PCDHGB1: variants seen among roughly 807,000 people sequenced by gnomAD.
The protein encoded by PCDHGB1 is protocadherin gamma-B1.
In PCDHGB1, 34 loss-of-function variants were observed where a neutral mutation model predicts 56.6. The ratio of observed to expected loss-of-function variants is 0.60; its 90% CI spans 0.46 to 0.80. The LOEUF (loss-of-function observed/expected upper bound fraction) is 0.80, where lower values mean the gene tolerates loss of function less well. PCDHGB1 is among the 30% of genes least tolerant of loss of function. The pLI is 0.00. For missense variants in PCDHGB1, 1,278 were observed against 1,204.6 expected, an observed-to-expected ratio of 1.06 and a Z score of -0.90; for synonymous variants, 561 against 505.9, an observed-to-expected ratio of 1.11 and a Z score of -1.46.
At chr5:141,362,759 A>G in intron 1 of PCDHGB1, 3 of 647,296 alleles carry the variant, frequency 4.6e-6, no homozygotes, top group Non-Finnish European at 7.8e-6. Flanking sequence ...AACCTTTATC[A>G]CATGAGATAT....
At chr5:141,375,504 T>G in intron 1 of PCDHGB1, 2 of 1,614,004 alleles carry the variant, frequency 1.2e-6, no homozygotes, top group Non-Finnish European at 1.7e-6. Flanking sequence ...ATCTTCTCTG[T>G]GAATGCACTG....
chr5:141,370,288 C>A, intron 1 of PCDHGB1: 1 of 1,009,420 alleles, frequency 9.9e-7, no homozygotes, highest in Non-Finnish European at 1.4e-6. Flanking sequence ...ATTAGAGAAC[C>A]CAAGCACAAA....
At chr5:141,452,751 A>C (rs1592230802) in intron 1 of PCDHGB1, among the ~76,000 whole-genome samples, 1 of 152,094 alleles carries the variant, frequency 6.6e-6, no homozygotes, top group South Asian at 2.1e-4. Context: ...AGAAGGAAGA[A>C]GGAAGGGAGG....
chr5:141,511,115 A>G lies in PCDHGB1; in HGVS notation c.2726A>G (p.Lys909Arg). 6.2e-7 allele frequency: 1 copy of G among 1,614,214 alleles called. No individual in the cohort carries two copies. Among genetic ancestry groups the G allele is most frequent in the Non-Finnish European group, 8.5e-7 (1 of 1,180,006 alleles). ...AACGCAGCTGGCAAGCGGGATGGCA[A>G]GGCCCCAGCAGGTGGCAATGGCAAC... Reference protein sequence around the residue: ...LTNAAGKRDGKAPAGGNGNKK... With the variant: ...LTNAAGKRDGRAPAGGNGNKK... Residue 909 changes from lysine (K) to arginine (R), a missense_variant, in exon 4 of 4, where the codon AAG becomes AGG. Coordinates refer to ENST00000523390, the MANE Select transcript of PCDHGB1 (RefSeq NM_018922.3).
Position 141,374,926 on chromosome 5 carries a change from T to G in PCDHGB1, c.2409+22257T>G. ...TCCACGGGGAAGTAACTTATTCCTT[T>G]GTGAAGATTACAGAAAAGATCTCAC... is the stretch of plus-strand genomic sequence containing the variant. On this transcript the variant is annotated intron_variant, in intron 1 of 3. Coordinates refer to ENST00000523390, the MANE Select transcript of PCDHGB1 (RefSeq NM_018922.3). The G allele has an allele frequency of 3.1e-6, 5 of 1,613,970 alleles. No individual in the cohort carries two copies. In the South Asian group the frequency reaches 5.5e-5, roughly 18 times the overall value.
Position 141,486,278 on chromosome 5 carries a change from G to C in PCDHGB1, c.2410-8529G>C, listed in dbSNP as rs774763063. On this transcript the variant is annotated intron_variant, in intron 1 of 3. Coordinates refer to ENST00000523390, the MANE Select transcript of PCDHGB1 (RefSeq NM_018922.3). The surrounding 1 kb of genome is among the most constrained non-coding windows in gnomAD (Gnocchi z 5.0). ...CGAGAGTGCAGAACCTGGCACTGTG[G>C]TGGCACTTATCAGTGTGCAGGATCC... is the stretch of plus-strand genomic sequence containing the variant. 4 of 1,613,970 alleles carry C rather than the reference G, an allele frequency of 2.5e-6. No individual in the cohort carries two copies. In the South Asian group the frequency reaches 4.4e-5, roughly 18 times the overall value.
In PCDHGB1 at chr5:141,351,047, G is replaced by T. The variant is rs1183474541; in HGVS notation, c.787G>T (p.Ala263Ser). The T allele has an allele frequency of 1.2e-6, 2 of 1,614,054 alleles. No individual in the cohort carries two copies. The highest frequency in any genetic ancestry group is 3.3e-5 in the Admixed American group (2 of 60,030). ...PWGTSVLRVMATDQDEGINAE... is the reference protein window; with the variant it reads ...PWGTSVLRVMSTDQDEGINAE... ...GGGAACCTCCGTGCTGCGGGTGATGGCCACAGACCAGGATGAGGGCATTAA... is the reference window on the plus strand; with the variant it reads ...GGGAACCTCCGTGCTGCGGGTGATGTCCACAGACCAGGATGAGGGCATTAA... Residue 263 changes from alanine (A) to serine (S), a missense_variant, in exon 1 of 4, where the codon GCC (alanine) becomes TCC (serine). Transcript: ENST00000523390.
chr5:141,489,275 A>C lies in PCDHGB1; in HGVS notation c.2410-5532A>C. On this transcript the variant is annotated intron_variant, in intron 1 of 3. Transcript: ENST00000523390. This position sits in a 1 kb window ranked among gnomAD's most constrained non-coding sequence, Gnocchi z 4.5. ...AAGACACTCCCACAGCTCGCTGGGA[A>C]ATGGCAAGTGCTGTGCATGTTGTCC... The C allele has an allele frequency of 4.5e-6, 7 of 1,556,298 alleles. No individual in the cohort carries two copies. Among genetic ancestry groups the C allele is most frequent in the Non-Finnish European group, 6.1e-6 (7 of 1,151,600 alleles).
chr5:141,394,322 G>T (rs1438978424), intron 1 of PCDHGB1: 3 of 1,613,960 alleles, frequency 1.9e-6, no homozygotes, highest in Non-Finnish European at 1.7e-6. Context: ...CCCTGTCCTC[G>T]TATATCTCCA....
At chr5:141,427,573 T>C in intron 1 of PCDHGB1, 1 of 667,160 alleles carries the variant, frequency 1.5e-6, no homozygotes, top group Non-Finnish European at 2.8e-6. Context: ...AAGCCTCCGC[T>C]CTCATCCAGC....
Position 141,350,170 on chromosome 5 carries a change from G to C in PCDHGB1, c.-91G>C. ...TCACCCTCGAGCGCCTAACTAATAA[G>C]TCCTAAGCTCAAATCACAGAAGTCC... On this transcript the variant is annotated 5_prime_UTR_variant, in exon 1 of 4. Coordinates refer to ENST00000523390, the MANE Select transcript of PCDHGB1 (RefSeq NM_018922.3). The C allele has an allele frequency of 8.1e-7, 1 of 1,241,078 alleles. No homozygotes were observed. The highest frequency in any genetic ancestry group is 2.6e-5 in the East Asian group (1 of 38,270). The allele number at this position is 1,241,078 out of a possible 1,614,324, so 76.9% of individuals were successfully genotyped here. A position where few individuals can be genotyped will look rare whatever the true frequency, so the allele number is the denominator to read the frequency against.
intron 1 of PCDHGB1, chr5:141,360,677 C>T: frequency 1.2e-6 from 2 of 1,613,980 alleles, no homozygotes; most frequent in South Asian, 1.1e-5. Flanking sequence ...TTTGATCTCG[C>T]TGAGAAACAG....
intron 1 of PCDHGB1, chr5:141,360,591 T>A: frequency 6.2e-7 from 1 of 1,613,982 alleles, no homozygotes; most frequent in African/African-American, 1.3e-5. Flanking sequence ...GTACAACATT[T>A]CCACTTGACC....
chr5:141,365,163 C>T (rs1383856831), intron 1 of PCDHGB1: 1 of 1,613,918 alleles, frequency 6.2e-7, no homozygotes, highest in South Asian at 1.1e-5. Flanking sequence ...GGGAAATTGA[C>T]CTACTCTTTT....
intron 1 of PCDHGB1, among the ~76,000 whole-genome samples, chr5:141,368,623 C>A (rs1765768097): frequency 6.6e-6 from 1 of 152,060 alleles, no homozygotes; most frequent in Non-Finnish European, 1.5e-5. Flanking sequence ...GGGTACATTT[C>A]TTCTGAGTTA....
chr5:141,407,125 T>C (rs1367266686), intron 1 of PCDHGB1, among the ~76,000 whole-genome samples: 1 of 152,254 alleles, frequency 6.6e-6, no homozygotes, highest in Non-Finnish European at 1.5e-5. Context: ...TTCAGTTGCT[T>C]TATTTTTAAG....
intron 1 of PCDHGB1, chr5:141,433,139 T>G: frequency 6.2e-7 from 1 of 1,614,068 alleles, no homozygotes; most frequent in Non-Finnish European, 8.5e-7. Context: ...CCTTTTGCTG[T>G]CAGGTGATTC....
Position 141,476,755 on chromosome 5 carries a change from G to A in PCDHGB1, c.2410-18052G>A, listed in dbSNP as rs1307512875. The stretch of plus-strand genomic sequence containing the variant: ...AACGGGAGCCTAGTCTCCAGTTAGT[G>A]CTGACGGCGTTGGACGGAGGGACCC... On this transcript the variant is annotated intron_variant, in intron 1 of 3. Coordinates refer to ENST00000523390, the MANE Select transcript of PCDHGB1 (RefSeq NM_018922.3). This position sits in a 1 kb window ranked among gnomAD's most constrained non-coding sequence, Gnocchi z 7.6. 1.2e-6 allele frequency: 2 copies of A among 1,613,828 alleles called. No homozygotes were observed. Among genetic ancestry groups the A allele is most frequent in the Non-Finnish European group, 1.7e-6 (2 of 1,180,036 alleles).
chr5:141,398,874 C>G (rs1384943457), intron 1 of PCDHGB1: 1 of 1,613,978 alleles, frequency 6.2e-7, no homozygotes, highest in South Asian at 1.1e-5. Context: ...TGTACAGAGT[C>G]AGCCTTCGGG....
Sources: allele counts gnomAD v4.1 joint callset (sites outside exome capture counted in the v4.1 genomes callset), GRCh38; gene constraint gnomAD v4.1.1; non-coding constraint Gnocchi (gnomAD v3.1); transcripts MANE v1.5; gene names NCBI Gene and HGNC (gene_info 2026-07-23, HGNC 2026-07-21).